SPATA9: variants seen among roughly 807,000 people sequenced by gnomAD.
The protein encoded by SPATA9 is spermatogenesis-associated protein 9.
SPATA9 carries 27 observed loss-of-function variants against 25.5 expected under a neutral mutation model. The ratio of observed to expected loss-of-function variants is 1.06; its 90% CI spans 0.78 to 1.46. The LOEUF is 1.46. Ranked by LOEUF, SPATA9 falls within the 40% of genes most tolerant of loss-of-function variation. The pLI, the probability that SPATA9 is intolerant of heterozygous loss-of-function variation, is 0.00. For synonymous variants in SPATA9, 102 were observed against 105.7 expected (o/e 0.97, Z 0.21); for missense variants, 282 against 297.5 (o/e 0.95, Z 0.38).
chr5:95,674,787 T>C (rs531639854), intron 3 of SPATA9: 2 of 456,662 alleles, frequency 4.4e-6, no homozygotes, highest in African/African-American at 4.0e-5. Flanking sequence ...CATTTTCTTC[T>C]CCTTCAACAA....
At chr5:95,675,338 T>C in intron 3 of SPATA9, 74 bp downstream of exon 3, 2 of 1,233,792 alleles carry the variant, frequency 1.6e-6, no homozygotes, top group Middle Eastern at 1.9e-4. Flanking sequence ...GTTCACCACA[T>C]TTTATTTTTC....
the SPATA9 span, among the ~76,000 whole-genome samples, chr5:95,721,882 C>T: frequency 6.6e-6 from 1 of 152,106 alleles, no homozygotes; most frequent in East Asian, 1.9e-4. Context: ...AGGGGTAGAA[C>T]TGCCAACCTA....
At chr5:95,702,963 T>C (rs939670547), upstream of SPATA9, among the ~76,000 whole-genome samples, 9 of 152,252 alleles carry the variant, frequency 5.9e-5, no homozygotes, top group Non-Finnish European at 8.8e-5. Context: ...TTGCATTGAC[T>C]TCATTTATTT....
intron 4 of SPATA9, chr5:95,659,436 G>A (rs954915815): frequency 6.6e-6 from 1 of 152,416 alleles, no homozygotes; most frequent in Non-Finnish European, 1.5e-5. Flanking sequence ...TTAAGGAGAG[G>A]AGTGTCAAAA....
At chr5:95,716,428 A>G in the SPATA9 span, among the ~76,000 whole-genome samples, 1 of 152,368 alleles carries the variant, frequency 6.6e-6, no homozygotes, top group South Asian at 2.1e-4. Context: ...CACTGGATTT[A>G]GGACTTGCAT....
intron 1 of SPATA9, among the ~76,000 whole-genome samples, chr5:95,688,210 C>T (rs1753796168): frequency 1.3e-5 from 2 of 152,054 alleles, no homozygotes; most frequent in South Asian, 2.1e-4. Context: ...TGTGTATATA[C>T]CATAGAATAC....
At chr5:95,653,086 C>T (rs146477423) in exon 9 of SPATA9, 629 of 1,550,372 alleles carry the variant, frequency 4.1e-4, no homozygotes, top group Middle Eastern at 3.0e-3. Context: ...CTTTTCTTTC[C>T]TTCAGGCTTT....
chr5:95,657,095 C>T (rs1261467646), downstream of SPATA9: 1 of 152,100 alleles, frequency 6.6e-6, no homozygotes, highest in Non-Finnish European at 1.5e-5. Context: ...AGCCAATGTT[C>T]TTTGAATGCC....
intron 4 of SPATA9, chr5:95,659,565 C>T (rs77203066): frequency 0.011 from 1,685 of 152,198 alleles, 11 homozygotes; most frequent in Non-Finnish European, 0.017. Context: ...TCAAGGCACG[C>T]GGTGAGAACG....
intron 2 of SPATA9, 109 bp from the exon 3 acceptor site, chr5:95,675,748 T>C (rs545280881): frequency 7.8e-5 from 64 of 815,380 alleles, no homozygotes; most frequent in Non-Finnish European, 1.2e-4. Flanking sequence ...CATGGTGTCA[T>C]GCATATATTC....
intron 4 of SPATA9, among the ~76,000 whole-genome samples, chr5:95,661,421 T>C (rs1328883639): frequency 6.6e-6 from 1 of 152,144 alleles, no homozygotes; most frequent in Non-Finnish European, 1.5e-5. Flanking sequence ...TAGATACATA[T>C]ATGACCAATT....
intron 3 of SPATA9, among the ~76,000 whole-genome samples, chr5:95,668,499 G>T (rs73780245): frequency 0.044 from 6,762 of 152,146 alleles, 472 homozygotes; most frequent in African/African-American, 0.15. Flanking sequence ...ATAGTGTATG[G>T]TAAAAGCTAA....
At chr5:95,705,802 C>T in the SPATA9 span, among the ~76,000 whole-genome samples, 4 of 152,304 alleles carry the variant, frequency 2.6e-5, no homozygotes, top group East Asian at 7.7e-4. Context: ...CATTAACTGA[C>T]ATCTCAACAA....
chr5:95,704,401 C>T, the SPATA9 span, among the ~76,000 whole-genome samples: 19 of 152,238 alleles, frequency 1.2e-4, 1 homozygote, highest in African/African-American at 4.6e-4. Flanking sequence ...GATGGCAAAT[C>T]TTTCTGTGGA....
chr5:95,731,291 CG>C, the SPATA9 span: 2 of 1,031,206 alleles, frequency 1.9e-6, no homozygotes, highest in Non-Finnish European at 2.3e-6. Flanking sequence ...CCGATCTCCC[CG>C]ACCCCCCTTC....
intron 3 of SPATA9, among the ~76,000 whole-genome samples, chr5:95,669,009 G>C (rs1355438238): frequency 6.6e-6 from 1 of 152,180 alleles, no homozygotes; most frequent in African/African-American, 2.4e-5. Flanking sequence ...TTATAGAGAG[G>C]TCCAGGAAAT....
chr5:95,672,455 GT>G lies in SPATA9; in HGVS notation c.378+2956del, dbSNP rs35342619. On this transcript the variant is annotated intron_variant, in intron 3 of 4. Coordinates refer to ENST00000274432, the MANE Select transcript of SPATA9 (RefSeq NM_031952.4). The stretch of plus-strand genomic sequence containing the variant: ...AGTTTCACCACCAAGGCCAAAAGAG[GT>G]TTTTTTTTTTTTTTTTAAATAAACA... Among the ~76,000 whole-genome samples the G allele has an allele frequency of 6.7e-3, 957 of 143,048 alleles. 10 individuals carry two copies. The highest frequency in any genetic ancestry group is 0.011 in the South Asian group (50 of 4,420). The allele number at this position is 143,048 out of a possible 152,430, so 93.8% of individuals were successfully genotyped here. A position where few individuals can be genotyped will look rare whatever the true frequency, so the allele number is the denominator to read the frequency against.
upstream of SPATA9, among the ~76,000 whole-genome samples, chr5:95,683,212 AG>A (rs1291466043): frequency 1.3e-5 from 2 of 152,170 alleles, no homozygotes; most frequent in African/African-American, 4.8e-5. Context: ...TGAGAACAAA[AG>A]GTCCCTTTGA....
At chr5:95,694,584 C>T (rs1753968667) in intron 1 of SPATA9, among the ~76,000 whole-genome samples, 1 of 152,134 alleles carries the variant, frequency 6.6e-6, no homozygotes, top group South Asian at 2.1e-4. Context: ...CAGGAGGGAG[C>T]CCAGACATGA....
Sources: allele counts gnomAD v4.1 joint callset (sites outside exome capture counted in the v4.1 genomes callset), GRCh38; gene constraint gnomAD v4.1.1; transcripts MANE v1.5; gene names NCBI Gene and HGNC (gene_info 2026-07-23, HGNC 2026-07-21).